TDRD12: variants seen among roughly 807,000 people sequenced by gnomAD.
TDRD12 encodes the protein tudor domain containing 12.
TDRD12 carries 158 observed loss-of-function variants against 133.5 expected under a neutral mutation model. That is an observed-to-expected ratio of 1.18 (90% CI 1.04 to 1.35). The LOEUF (loss-of-function observed/expected upper bound fraction) is 1.35, where lower values mean the gene tolerates loss of function less well. Among genes scored for constraint, TDRD12 ranks in the 40% most tolerant of loss-of-function variants. The probability of loss-of-function intolerance (pLI) is 0.00; values close to 1 mark genes in which losing one functional copy is unlikely to be tolerated. For missense variants in TDRD12, 1,443 were observed against 1,321.3 expected (o/e 1.09, Z -1.43); for synonymous variants, 460 against 477.9 (o/e 0.96, Z 0.49).
At chr19:32,756,032 G>C (rs1969980790) in exon 7 of TDRD12, 1 of 1,474,814 alleles carries the variant, frequency 6.8e-7, no homozygotes. Context: ...AACTATGCTT[G>C]TTATATGTCA....
intron 8 of TDRD12, among the ~76,000 whole-genome samples, chr19:32,766,845 C>A (rs1970311575): frequency 6.6e-6 from 1 of 151,998 alleles, no homozygotes; most frequent in Non-Finnish European, 1.5e-5. Context: ...GAACTCCTGA[C>A]CTTAAGTGAT....
intron 13 of TDRD12, among the ~76,000 whole-genome samples, chr19:32,792,712 A>G (rs1009026807): frequency 6.6e-6 from 1 of 152,232 alleles, no homozygotes; most frequent in Non-Finnish European, 1.5e-5. Context: ...TTCCAGATTA[A>G]GAGGGCCTAC....
chr19:32,823,772 G>T (rs1333095196), downstream of TDRD12, among the ~76,000 whole-genome samples: 1 of 152,220 alleles, frequency 6.6e-6, no homozygotes, highest in Non-Finnish European at 1.5e-5. Context: ...GACAACAGTT[G>T]TCATTAAGAG....
intron 9 of TDRD12, 82 bp downstream of exon 32, chr19:32,826,831 G>T: frequency 1.1e-6 from 1 of 909,724 alleles, no homozygotes; most frequent in Non-Finnish European, 1.4e-6. Flanking sequence ...TAGGAATTCA[G>T]CCTTGGTGGA....
intron 21 of TDRD12, among the ~76,000 whole-genome samples, chr19:32,804,333 A>G (rs1028413915): frequency 4.0e-5 from 6 of 150,358 alleles, no homozygotes; most frequent in Non-Finnish European, 8.9e-5. Flanking sequence ...CGGCCTCCCA[A>G]AGTGCTGAGA....
downstream of TDRD12, among the ~76,000 whole-genome samples, chr19:32,823,541 C>T (rs538325383): frequency 6.6e-6 from 1 of 152,200 alleles, no homozygotes; most frequent in Non-Finnish European, 1.5e-5. Flanking sequence ...GTGAGAGGTG[C>T]AGGTGAGGAG....
intron 14 of TDRD12, among the ~76,000 whole-genome samples, chr19:32,796,562 GCA>G (rs1265102279): frequency 1.3e-5 from 2 of 151,016 alleles, no homozygotes; most frequent in Non-Finnish European, 2.9e-5. Context: ...TCCAGCCTGG[GCA>G]AGAAGAGCCA....
chr19:32,794,878 C>A, intron 14 of TDRD12, 65 bp downstream of exon 14: 1 of 662,798 alleles, frequency 1.5e-6, no homozygotes, highest in Non-Finnish European at 2.7e-6. Context: ...AATTATACAC[C>A]TCACCTTTGA....
chr19:32,722,015 C>CT (rs1393918069), intron 1 of TDRD12, among the ~76,000 whole-genome samples: 1 of 152,098 alleles, frequency 6.6e-6, no homozygotes, highest in Non-Finnish European at 1.5e-5. Context: ...CACGCCCGGC[C>CT]GGTGCGATTT....
chr19:32,790,896 A>G (rs1444702636), intron 12 of TDRD12, 68 bp from the exon 13 acceptor site: 123 of 1,492,308 alleles, frequency 8.2e-5, no homozygotes, highest in Admixed American at 1.8e-4. Context: ...CATTTCTGTG[A>G]AGTTCTTGAT....
chr19:32,814,011 C>T (rs921890835), intron 25 of TDRD12, among the ~76,000 whole-genome samples: 3 of 152,152 alleles, frequency 2.0e-5, no homozygotes, highest in Admixed American at 6.5e-5. Context: ...ATTGTGTATG[C>T]GAGGCACACG....
chr19:32,763,977 G>A (rs961312280), intron 8 of TDRD12, among the ~76,000 whole-genome samples: 2 of 152,166 alleles, frequency 1.3e-5, no homozygotes. Context: ...TGTTAAGATA[G>A]AGTGATAACC....
intron 13 of TDRD12, among the ~76,000 whole-genome samples, chr19:32,792,257 G>C (rs2145667683): frequency 6.6e-6 from 1 of 151,502 alleles, no homozygotes; most frequent in East Asian, 1.9e-4. Flanking sequence ...AAAAAAAAAA[G>C]ACCGAAACAA....
intron 4 of TDRD12, among the ~76,000 whole-genome samples, chr19:32,744,342 A>G (rs189185934): frequency 1.3e-3 from 199 of 151,750 alleles, no homozygotes; most frequent in African/African-American, 4.6e-3. Context: ...TCTACTAAAA[A>G]CACAAAAATT....
At chr19:32,792,342 T>A (rs962913905) in intron 13 of TDRD12, among the ~76,000 whole-genome samples, 19 of 151,746 alleles carry the variant, frequency 1.3e-4, no homozygotes, top group Non-Finnish European at 1.5e-5. Context: ...AGAATAAATA[T>A]CCCCGGAGAG....
intron 11 of TDRD12, among the ~76,000 whole-genome samples, chr19:32,780,642 G>T (rs1471084910): frequency 1.3e-5 from 2 of 152,102 alleles, no homozygotes; most frequent in African/African-American, 4.8e-5. Context: ...CCCACGTCAT[G>T]ATTCTGGTGA....
chr19:32,810,479 T>C (rs1966965919), intron 23 of TDRD12, among the ~76,000 whole-genome samples: 1 of 152,222 alleles, frequency 6.6e-6, no homozygotes, highest in Non-Finnish European at 1.5e-5. Flanking sequence ...CCGTGACCCA[T>C]TGAGCCATCA....
chr19:32,721,745 T>C (rs1968684562), intron 1 of TDRD12, among the ~76,000 whole-genome samples: 1 of 146,182 alleles, frequency 6.8e-6, no homozygotes, highest in South Asian at 2.1e-4. Context: ...TCTTGCTCAG[T>C]CACCCAGGCT....
chr19:32,813,613 C>A, intron 24 of TDRD12, 71 bp from the exon 25 acceptor site: 1 of 872,774 alleles, frequency 1.1e-6, no homozygotes, highest in Non-Finnish European at 1.8e-6. Context: ...ATTTTGCAAA[C>A]TGTATGGCAT....
Sources: gnomAD v4.1 joint callset for allele counts (sites outside exome capture counted in the v4.1 genomes callset) on GRCh38, gnomAD v4.1.1 for gene constraint, MANE v1.5 for transcripts, NCBI Gene and HGNC (gene_info 2026-07-23, HGNC 2026-07-21) for gene names.